CACNB2: variants seen among roughly 807,000 people sequenced by gnomAD.
CACNB2 encodes the protein calcium voltage-gated channel auxiliary subunit beta 2.
In CACNB2, 42 loss-of-function variants were observed where a neutral mutation model predicts 73.3. That is an observed-to-expected ratio of 0.57 (90% CI 0.45 to 0.74). CACNB2 has a LOEUF of 0.74. Ranked by LOEUF, CACNB2 falls within the 30% of genes least tolerant of loss-of-function variation. The probability of loss-of-function intolerance (pLI) is 0.00; values close to 1 mark genes in which losing one functional copy is unlikely to be tolerated. For missense variants in CACNB2, 940 were observed against 853.0 expected (o/e 1.10, Z -1.27); for synonymous variants, 348 against 310.3 (o/e 1.12, Z -1.28).
At chr10:18,141,126 G>C (rs2030341850) in intron 1 of CACNB2, 1 of 1,549,898 alleles carries the variant, frequency 6.5e-7, no homozygotes, top group Non-Finnish European at 8.7e-7. Flanking sequence ...ACTTCTCCCG[G>C]GTTGCTCCAG....
intron 2 of CACNB2, among the ~76,000 whole-genome samples, chr10:18,325,289 A>T: frequency 6.6e-6 from 1 of 152,176 alleles, no homozygotes; most frequent in Non-Finnish European, 1.5e-5. Context: ...TCCTGGGCTC[A>T]AGGGATCCTT....
chr10:18,216,883 C>T (rs894318596), intron 2 of CACNB2, among the ~76,000 whole-genome samples: 3 of 152,162 alleles, frequency 2.0e-5, no homozygotes, highest in Admixed American at 6.5e-5. Context: ...TGACAACCTA[C>T]ATGTGAGACC....
intron 2 of CACNB2, chr10:18,234,046 T>A (rs1277753): frequency 6.6e-6 from 1 of 152,048 alleles, no homozygotes; most frequent in African/African-American, 2.4e-5. Context: ...TACCAGATAC[T>A]GGGACAGGCA....
intron 2 of CACNB2, among the ~76,000 whole-genome samples, chr10:18,358,736 G>A (rs2042032342): frequency 6.6e-6 from 1 of 152,058 alleles, no homozygotes; most frequent in Non-Finnish European, 1.5e-5. Context: ...AGCAGTGGAA[G>A]GAATTCAGTT....
chr10:18,297,654 A>G (rs1428805902), intron 2 of CACNB2, among the ~76,000 whole-genome samples: 1 of 152,150 alleles, frequency 6.6e-6, no homozygotes, highest in Admixed American at 6.5e-5. Context: ...ATTCAGAACC[A>G]ACCTGAGCCC....
intron 2 of CACNB2, among the ~76,000 whole-genome samples, chr10:18,392,122 A>G (rs1267553700): frequency 6.6e-6 from 1 of 152,064 alleles, no homozygotes; most frequent in Admixed American, 6.6e-5. Flanking sequence ...AATCTAGGGG[A>G]GGAGAGTGTC....
chr10:18,526,923 T>C (rs1292875896), intron 9 of CACNB2, among the ~76,000 whole-genome samples: 1 of 152,194 alleles, frequency 6.6e-6, no homozygotes, highest in African/African-American at 2.4e-5. Context: ...GTTACATACA[T>C]ACCCTTGGAT....
At chr10:18,512,021 G>C (rs2050823744) in intron 6 of CACNB2, among the ~76,000 whole-genome samples, 1 of 152,140 alleles carries the variant, frequency 6.6e-6, no homozygotes, top group African/African-American at 2.4e-5. Flanking sequence ...CTCTGCAGTT[G>C]ATAAAATTCT....
At chr10:18,315,529 C>CAAT (rs869158666) in intron 2 of CACNB2, among the ~76,000 whole-genome samples, 1 of 65,580 alleles carries the variant, frequency 1.5e-5, no homozygotes, top group Non-Finnish European at 2.7e-5. Flanking sequence ...AAAAAAAAAA[C>CAAT]TTTTTTTTTT....
chr10:18,514,513 A>C (rs748031434), intron 7 of CACNB2, 144 bp downstream of exon 7: 11 of 1,613,978 alleles, frequency 6.8e-6, no homozygotes, highest in Non-Finnish European at 6.8e-6. Context: ...TGCTGTAGCT[A>C]AGCAGAAGCA....
intron 2 of CACNB2, among the ~76,000 whole-genome samples, chr10:18,312,316 A>T (rs1185111464): frequency 6.6e-6 from 1 of 152,224 alleles, no homozygotes; most frequent in African/African-American, 2.4e-5. Flanking sequence ...AACACTAAAA[A>T]TATGTAAAAT....
At chr10:18,484,417 C>A (rs1344684111) in intron 3 of CACNB2, among the ~76,000 whole-genome samples, 1 of 9,292 alleles carries the variant, frequency 1.1e-4, no homozygotes, top group East Asian at 1.2e-3. Flanking sequence ...AAAATAGATA[C>A]AGTATAGAGA....
intron 3 of CACNB2, among the ~76,000 whole-genome samples, chr10:18,439,307 C>T (rs1007861697): frequency 6.6e-6 from 1 of 152,204 alleles, no homozygotes; most frequent in African/African-American, 2.4e-5. Context: ...TGCATCTCAT[C>T]TCCATGCCAA....
At chr10:18,178,339 A>G (rs1319746478) in intron 2 of CACNB2, among the ~76,000 whole-genome samples, 1 of 152,192 alleles carries the variant, frequency 6.6e-6, no homozygotes, top group Non-Finnish European at 1.5e-5. Context: ...AACTCTACCT[A>G]TTAGGCTTTG....
At chr10:18,264,847 T>C (rs540717712) in intron 2 of CACNB2, among the ~76,000 whole-genome samples, 9 of 152,310 alleles carry the variant, frequency 5.9e-5, no homozygotes, top group Non-Finnish European at 1.2e-4. Flanking sequence ...GGACATGCCA[T>C]ATTGTGAATG....
intron 3 of CACNB2, among the ~76,000 whole-genome samples, chr10:18,425,838 A>G (rs1314062312): frequency 1.3e-5 from 2 of 152,174 alleles, no homozygotes; most frequent in Non-Finnish European, 2.9e-5. Flanking sequence ...ATCTGACTTC[A>G]TGTAGAATAC....
At chr10:18,241,406 A>G (rs1373711638) in intron 2 of CACNB2, among the ~76,000 whole-genome samples, 2 of 152,146 alleles carry the variant, frequency 1.3e-5, no homozygotes, top group Non-Finnish European at 2.9e-5. Context: ...ACCTACAGGG[A>G]GGGAACATCA....
At chr10:18,266,747 G>T (rs148580632) in intron 2 of CACNB2, among the ~76,000 whole-genome samples, 1 of 152,104 alleles carries the variant, frequency 6.6e-6, no homozygotes, top group East Asian at 1.9e-4. Flanking sequence ...GAACTTAGCC[G>T]TGCGTGGTGG....
chr10:18,365,274 C>G (rs113040847), intron 2 of CACNB2, among the ~76,000 whole-genome samples: 1 of 152,124 alleles, frequency 6.6e-6, no homozygotes, highest in Non-Finnish European at 1.5e-5. Context: ...TGGCTTTGAA[C>G]GAGTTATTTA....
Sources: allele counts gnomAD v4.1 joint callset (sites outside exome capture counted in the v4.1 genomes callset), GRCh38; gene constraint gnomAD v4.1.1; transcripts MANE v1.5; gene names NCBI Gene and HGNC (gene_info 2026-07-23, HGNC 2026-07-21).